The following GRM7 variants were observed in gnomAD, a reference collection of about 807,000 sequenced individuals.
GRM7 encodes metabotropic glutamate receptor 7.
In GRM7, 35 loss-of-function variants were observed where a neutral mutation model predicts 84.5. The observed-to-expected ratio is 0.41, with a 90% CI of 0.32 to 0.55. GRM7 has a LOEUF of 0.55. Among genes scored for constraint, GRM7 ranks in the 20% least tolerant of loss-of-function variants. GRM7 has a pLI of 0.19. For missense variants in GRM7, 1,003 were observed against 1,194.6 expected, an observed-to-expected ratio of 0.84 and a Z score of 2.36; for synonymous variants, 487 against 455.1, an observed-to-expected ratio of 1.07 and a Z score of -0.89.
intron 8 of GRM7, among the ~76,000 whole-genome samples, chr3:7,640,564 A>G (rs988469355): frequency 4.6e-5 from 7 of 152,236 alleles, no homozygotes; most frequent in African/African-American, 1.7e-4. Flanking sequence ...TTAAAATCTG[A>G]ATGATGCCAG....
chr3:7,083,080 C>A (rs1480524187), intron 1 of GRM7, among the ~76,000 whole-genome samples: 2 of 152,104 alleles, frequency 1.3e-5, no homozygotes, highest in Non-Finnish European at 2.9e-5. Context: ...AGGATTGACT[C>A]CACTTTTGAA....
chr3:7,236,029 T>C (rs1490501740), intron 2 of GRM7, among the ~76,000 whole-genome samples: 1 of 151,940 alleles, frequency 6.6e-6, no homozygotes, highest in Non-Finnish European at 1.5e-5. Context: ...CTGGTGGGAG[T>C]TGCTATCTGC....
chr3:7,707,019 T>C (rs1454623530), intron 9 of GRM7, among the ~76,000 whole-genome samples: 1 of 152,126 alleles, frequency 6.6e-6, no homozygotes, highest in Non-Finnish European at 1.5e-5. Context: ...TGACTAGTAG[T>C]GGAAATGAAG....
chr3:7,094,511 A>G (rs939125845), intron 1 of GRM7, among the ~76,000 whole-genome samples: 20 of 152,116 alleles, frequency 1.3e-4, no homozygotes, highest in Non-Finnish European at 1.8e-4. Flanking sequence ...TAACAGCAAA[A>G]CTGGGCTTGA....
chr3:7,378,568 A>G (rs1694455375), intron 4 of GRM7, among the ~76,000 whole-genome samples: 1 of 152,176 alleles, frequency 6.6e-6, no homozygotes, highest in Non-Finnish European at 1.5e-5. Flanking sequence ...TCTTTATACA[A>G]AATGCCATGA....
At chr3:7,365,847 T>G in intron 4 of GRM7, among the ~76,000 whole-genome samples, 1 of 151,358 alleles carries the variant, frequency 6.6e-6, no homozygotes, top group South Asian at 2.1e-4. Context: ...AGGTAGCTCT[T>G]TCTCTAAAGG....
In GRM7 at chr3:7,659,920, C is replaced by T. The variant is rs547086069; in HGVS notation, c.2452-20129C>T. On this transcript the variant is annotated intron_variant, in intron 8 of 9. Coordinates refer to ENST00000357716, the MANE Select transcript of GRM7 (RefSeq NM_000844.4). ...GGGCTAGGCAAACATTTCCTAGTGG[C>T]ATATTATTTCTAGTGGTACATTATT... 2.6e-5 allele frequency among the ~76,000 whole-genome samples: 4 copies of T among 152,216 alleles called. No homozygotes were observed. In the South Asian group the frequency reaches 8.3e-4, roughly 32 times the overall value.
intron 5 of GRM7, among the ~76,000 whole-genome samples, chr3:7,429,518 T>C (rs1041905236): frequency 6.6e-6 from 1 of 152,218 alleles, no homozygotes; most frequent in Non-Finnish European, 1.5e-5. Flanking sequence ...GATTTATCTT[T>C]TTTATGAGAT....
chr3:7,039,511 A>G (rs1696512800), intron 1 of GRM7, among the ~76,000 whole-genome samples: 1 of 152,192 alleles, frequency 6.6e-6, no homozygotes, highest in Non-Finnish European at 1.5e-5. Context: ...AGCAATGCAT[A>G]TGCTAATAAG....
Position 7,045,133 on chromosome 3 carries a change from T to C in GRM7, c.520-101319T>C, listed in dbSNP as rs189953111. Among the ~76,000 whole-genome samples the C allele has an allele frequency of 1.9e-3, 289 of 152,248 alleles. 2 individuals are homozygous for C. The highest frequency in any genetic ancestry group is 6.7e-3 in the African/African-American group (279 of 41,556). On this transcript the variant is annotated intron_variant, in intron 1 of 9. Transcript: ENST00000357716. ...CTCATGACTATGAAATGTTACAAGG[T>C]TGAATTTCATAAGTTGACGTGTTAG...
At chr3:7,645,546 T>TAAAAAAAAAAAAA (rs71043684) in intron 8 of GRM7, among the ~76,000 whole-genome samples, 23 of 87,784 alleles carry the variant, frequency 2.6e-4, no homozygotes, top group African/African-American at 7.0e-4. Context: ...GACTCCATCT[T>TAAAAAAAAAAAAA]AAAAAAAAAA....
intron 8 of GRM7, among the ~76,000 whole-genome samples, chr3:7,632,678 G>A (rs1299308453): frequency 6.6e-6 from 1 of 152,130 alleles, no homozygotes; most frequent in Non-Finnish European, 1.5e-5. Context: ...AGGTAGTTAT[G>A]AATATAGTTA....
chr3:6,916,414 T>TA (rs1284527373), intron 1 of GRM7, among the ~76,000 whole-genome samples: 1 of 152,208 alleles, frequency 6.6e-6, no homozygotes, highest in Non-Finnish European at 1.5e-5. Context: ...AGGAATGCAT[T>TA]AAGCAAGTAG....
At chr3:6,987,120 C>T (rs964485091) in intron 1 of GRM7, among the ~76,000 whole-genome samples, 4 of 152,114 alleles carry the variant, frequency 2.6e-5, no homozygotes, top group African/African-American at 9.7e-5. Context: ...CCCTTTAGCT[C>T]CCTCCCTGTT....
At chr3:7,086,364 G>A (rs1362863189) in intron 1 of GRM7, among the ~76,000 whole-genome samples, 1 of 107,498 alleles carries the variant, frequency 9.3e-6, no homozygotes, top group East Asian at 2.3e-4. Context: ...AGAAATACAA[G>A]TTAGTATTCC....
chr3:7,138,584 G>A (rs556802650), intron 1 of GRM7, among the ~76,000 whole-genome samples: 13 of 134,290 alleles, frequency 9.7e-5, no homozygotes, highest in South Asian at 2.2e-4. Flanking sequence ...ATATATTGTC[G>A]TGTTCATTAA....
At chr3:7,012,611 A>G (rs1166652873) in intron 1 of GRM7, among the ~76,000 whole-genome samples, 1 of 152,160 alleles carries the variant, frequency 6.6e-6, no homozygotes, top group African/African-American at 2.4e-5. Flanking sequence ...CTTTCCCTGG[A>G]GGACCATAAG....
chr3:7,029,176 C>G (rs1696091953), intron 1 of GRM7, among the ~76,000 whole-genome samples: 1 of 151,930 alleles, frequency 6.6e-6, no homozygotes, highest in South Asian at 2.1e-4. Context: ...TGGTTGCACA[C>G]ACTTGTAATC....
At chr3:7,531,853 G>C (rs1330069996) in intron 7 of GRM7, among the ~76,000 whole-genome samples, 1 of 152,128 alleles carries the variant, frequency 6.6e-6, no homozygotes, top group Non-Finnish European at 1.5e-5. Context: ...GAATAGGAGT[G>C]GGGAGAGAGG....
Sources: gnomAD v4.1 joint callset for allele counts (sites outside exome capture counted in the v4.1 genomes callset) on GRCh38, gnomAD v4.1.1 for gene constraint, MANE v1.5 for transcripts, NCBI Gene and HGNC (gene_info 2026-07-23, HGNC 2026-07-21) for gene names.